Variants in ODAD1 observed in about 807,000 individuals in gnomAD.
ODAD1 encodes the protein outer dynein arm-docking complex subunit 1.
Under a neutral mutation model 67.2 loss-of-function variants are expected in ODAD1, and 49 were observed. The ratio of observed to expected loss-of-function variants is 0.73; its 90% CI spans 0.58 to 0.92. The LOEUF is 0.92. Ranked by LOEUF, ODAD1 falls within the 40% of genes least tolerant of loss-of-function variation. ODAD1 has a pLI of 0.00. For synonymous variants in ODAD1, 345 were observed against 393.7 expected (o/e 0.88, Z 1.46); for missense variants, 897 against 953.7 (o/e 0.94, Z 0.78).
intron 9 of ODAD1, 68 bp from the exon 10 acceptor site, chr19:48,303,852 G>A (rs1448582508): frequency 1.3e-6 from 2 of 1,574,814 alleles, no homozygotes; most frequent in Admixed American, 1.8e-5. Flanking sequence ...CCTGGGTGAG[G>A]GGGAGCGAAG....
chr19:48,298,343 G>T lies in ODAD1; in HGVS notation c.1241-3C>A. ...CTTGGTGAAGAGGAGCTGGATATCTGCGTCATGGAGGGCCGGTTGTCAGGG... is the reference window on the plus strand; with the variant it reads ...CTTGGTGAAGAGGAGCTGGATATCTTCGTCATGGAGGGCCGGTTGTCAGGG... On this transcript the variant is annotated splice_region_variant and splice_polypyrimidine_tract_variant and intron_variant, in intron 12 of 15. Transcript: ENST00000674294. 6.2e-7 allele frequency: 1 copy of T among 1,613,864 alleles called. No individual in the cohort carries two copies. Among genetic ancestry groups the T allele is most frequent in the Non-Finnish European group, 8.5e-7 (1 of 1,179,874 alleles).
intron 5 of ODAD1, among the ~76,000 whole-genome samples, chr19:48,314,873 G>A (rs1968857902): frequency 6.6e-6 from 1 of 151,842 alleles, no homozygotes; most frequent in African/African-American, 2.4e-5. Flanking sequence ...CCTGGCCTGG[G>A]AGGTGGAGGC....
chr19:48,305,606 A>G (rs1266641724), intron 8 of ODAD1, among the ~76,000 whole-genome samples: 2 of 151,666 alleles, frequency 1.3e-5, no homozygotes, highest in Non-Finnish European at 2.9e-5. Flanking sequence ...GGATTTCACC[A>G]TGTTGGCCAG....
In ODAD1 at chr19:48,318,696, C is replaced by T. The variant is rs534924327; in HGVS notation, c.170+17G>A. On this transcript the variant is annotated intron_variant, in intron 4 of 15. Coordinates refer to ENST00000674294, the MANE Select transcript of ODAD1 (RefSeq NM_001364171.2). ...GACCCCCTCCTCCCCAGCTCAGGGCCCAGGCGCCCAGCTCACAGTTGCTTG... is the reference window on the plus strand; with the variant it reads ...GACCCCCTCCTCCCCAGCTCAGGGCTCAGGCGCCCAGCTCACAGTTGCTTG... The T allele has an allele frequency of 6.5e-7, 1 of 1,541,046 alleles. No individual in the cohort carries two copies. The highest frequency in any genetic ancestry group is 2.0e-5 in the Admixed American group (1 of 50,956).
chr19:48,297,163 T>G lies in ODAD1; in HGVS notation c.1937A>C (p.Tyr646Ser). Reference protein sequence around the residue: ...VTFRPVSASSYLGSTGYVGSS... With the variant: ...VTFRPVSASSSLGSTGYVGSS... ...CCCCACGTATCCAGTGGAGCCCAGGTAGCTGCTGGCGCTGACGGGTCTGAA... is the reference window on the plus strand; with the variant it reads ...CCCCACGTATCCAGTGGAGCCCAGGGAGCTGCTGGCGCTGACGGGTCTGAA... Residue 646 changes from tyrosine (Y) to serine (S), a missense_variant, in exon 16 of 16, where the codon TAC becomes TCC. Physicochemically the swap from Tyr to Ser is moderately radical, Grantham distance 144. Coordinates refer to ENST00000674294, the MANE Select transcript of ODAD1 (RefSeq NM_001364171.2). 6.2e-7 allele frequency: 1 copy of G among 1,614,094 alleles called. No homozygotes were observed. The highest frequency in any genetic ancestry group is 8.5e-7 in the Non-Finnish European group (1 of 1,179,994).
At chr19:48,308,262 G>C (rs968676163) in intron 7 of ODAD1, among the ~76,000 whole-genome samples, 2 of 151,748 alleles carry the variant, frequency 1.3e-5, no homozygotes, top group African/African-American at 2.4e-5. Context: ...GCAGCCTCCA[G>C]CTCCCTGGTT....
At chr19:48,309,617 C>T (rs1968706207) in intron 7 of ODAD1, among the ~76,000 whole-genome samples, 1 of 152,182 alleles carries the variant, frequency 6.6e-6, no homozygotes, top group Non-Finnish European at 1.5e-5. Context: ...GGACACAGTA[C>T]AAGAACTCGG....
intron 5 of ODAD1, 100 bp downstream of exon 5, chr19:48,318,287 C>T (rs368466325): frequency 6.9e-5 from 73 of 1,052,498 alleles, no homozygotes; most frequent in East Asian, 5.2e-4. Flanking sequence ...CCACTGTGCC[C>T]GGCCTAATAG....
At chr19:48,317,966 G>C (rs552117443) in intron 5 of ODAD1, among the ~76,000 whole-genome samples, 2 of 152,028 alleles carry the variant, frequency 1.3e-5, no homozygotes, top group Non-Finnish European at 2.9e-5. Context: ...CCAGCTACTC[G>C]GGAAGCTGAG....
Position 48,320,355 on chromosome 19 carries a change from C to T in ODAD1, c.14G>A (p.Arg5His), listed in dbSNP as rs1428170297. Residue 5 changes from arginine to histidine, a missense_variant, in exon 3 of 16, where the codon CGC becomes CAC. Transcript: ENST00000674294. MPLG[R>H]LAGSARSEEG... Reference sequence around the variant, plus strand: ...CTCGGAGCGGGCGCTCCCTGCCAAGCGTCCCAAAGGCATCCTGGCCAAACA... The same window carrying T: ...CTCGGAGCGGGCGCTCCCTGCCAAGTGTCCCAAAGGCATCCTGGCCAAACA... 1.6e-6 allele frequency: 2 copies of T among 1,289,046 alleles called. No individual in the cohort carries two copies. Among genetic ancestry groups the T allele is most frequent in the Admixed American group, 2.3e-5 (1 of 43,506 alleles). 79.9% of individuals were successfully genotyped at this position (1,289,046 alleles called of 1,614,324 possible).
At position 48,318,562 on chromosome 19, in the gene ODAD1, C is replaced by A. The variant is rs7248372; in HGVS notation, c.185G>T (p.Arg62Leu). ...GAGATCGCCCCGTACCTCCTCCAAG[C>A]GCCGGATCTCCTCACTACCCAGGCA... ...RINKQLEEIRRLEEVRGDLQV... is the reference protein window; with the variant it reads ...RINKQLEEIRLLEEVRGDLQV... The change falls in exon 5 of 16, where the codon CGC becomes CTC. Residue 62 changes from arginine (R) to leucine (L), a missense_variant. Physicochemically the swap from Arg to Leu is moderately radical, Grantham distance 102 (BLOSUM62 -2). Transcript: ENST00000674294. 2 of 1,551,142 alleles carry A rather than the reference C, an allele frequency of 1.3e-6. No individual in the cohort carries two copies. Among genetic ancestry groups the A allele is most frequent in the Admixed American group, 3.9e-5 (2 of 50,966 alleles).
rs867613985 is a variant in ODAD1 at position 48,304,017 on chromosome 19, G to A, written c.789C>T (p.Phe263=). ...GCCGGTCGTTGTTCTTGAGCTTGAG[G>A]AAGTGGTGCAGCTGCTCCAGGTGCA... ...QILHLEQLHH[F]LKLKNNDRQP... The change falls in exon 9 of 16, where the codon TTC becomes TTT. Residue 263 remains phenylalanine, a synonymous_variant. Transcript: ENST00000674294. 1 of 1,614,242 alleles carries A rather than the reference G, an allele frequency of 6.2e-7. No homozygotes were observed. The highest frequency in any genetic ancestry group is 8.5e-7 in the Non-Finnish European group (1 of 1,180,042).
In ODAD1 at chr19:48,318,806, C is replaced by G; in HGVS notation, c.77G>C (p.Trp26Ser). Reference sequence around the variant, plus strand: ...TTGTCGCTGCAGCCTACTCAGCTCCCAATCCACTGAGAACAGGGCCAGCCA... The same window carrying G: ...TTGTCGCTGCAGCCTACTCAGCTCCGAATCCACTGAGAACAGGGCCAGCCA... ...SEAFLEGMVDWELSRLQRQCK... is the reference protein window; with the variant it reads ...SEAFLEGMVDSELSRLQRQCK... Residue 26 changes from tryptophan to serine, a missense_variant, in exon 4 of 16, where the codon TGG becomes TCG. Trp to Ser is a radical substitution (Grantham distance 177). Coordinates refer to ENST00000674294, the MANE Select transcript of ODAD1 (RefSeq NM_001364171.2). 1 of 1,548,258 alleles carries G rather than the reference C, an allele frequency of 6.5e-7. No homozygotes were observed. Among genetic ancestry groups the G allele is most frequent in the Non-Finnish European group, 8.7e-7 (1 of 1,144,286 alleles).
At chr19:48,308,219 G>C (rs555524550) in intron 7 of ODAD1, among the ~76,000 whole-genome samples, 106 of 151,324 alleles carry the variant, frequency 7.0e-4, no homozygotes, top group African/African-American at 2.5e-3. Context: ...TTGTTGCCCA[G>C]GCTGGAGTGC....
intron 7 of ODAD1, among the ~76,000 whole-genome samples, chr19:48,309,652 GTT>G (rs1353720404): frequency 6.6e-6 from 1 of 152,186 alleles, no homozygotes; most frequent in Non-Finnish European, 1.5e-5. Context: ...GGCCAAGGAG[GTT>G]TCCAGCCAGA....
At chr19:48,312,889 G>C (rs1324523555) in intron 5 of ODAD1, among the ~76,000 whole-genome samples, 2 of 150,840 alleles carry the variant, frequency 1.3e-5, no homozygotes, top group African/African-American at 4.9e-5. Flanking sequence ...GACATTAGTA[G>C]CCCTGGGTCT....
chr19:48,317,158 T>C (rs1394647506), intron 5 of ODAD1, among the ~76,000 whole-genome samples: 1 of 152,086 alleles, frequency 6.6e-6, no homozygotes, highest in African/African-American at 2.4e-5. Context: ...AATTGGTTTT[T>C]TCAATGAAGG....
At chr19:48,321,240 A>AAAAC (rs541986418) in intron 1 of ODAD1, among the ~76,000 whole-genome samples, 179 of 152,320 alleles carry the variant, frequency 1.2e-3, no homozygotes, top group Middle Eastern at 6.8e-3. Context: ...TCCGTCTCAA[A>AAAAC]AAACAAACAA....
At chr19:48,319,335 AC>A (rs1246848705) in intron 3 of ODAD1, 2 of 554,802 alleles carry the variant, frequency 3.6e-6, no homozygotes, top group African/African-American at 4.1e-5. Flanking sequence ...AGCAGACCCT[AC>A]CCCTCATAGG....
Sources: gnomAD v4.1 joint callset for allele counts (sites outside exome capture counted in the v4.1 genomes callset) on GRCh38, gnomAD v4.1.1 for gene constraint, MANE v1.5 for transcripts, NCBI Gene and HGNC (gene_info 2026-07-23, HGNC 2026-07-21) for gene names.